Variants in CCDC192 observed in about 807,000 individuals in gnomAD.
CCDC192 encodes coiled-coil domain-containing protein 192.
At chr5:127,889,558 C>A (rs188509321) in intron 6 of CCDC192, among the ~76,000 whole-genome samples, 4 of 152,118 alleles carry the variant, frequency 2.6e-5, no homozygotes, top group South Asian at 2.1e-4. Flanking sequence ...CTCGCCACCA[C>A]GCCCTGCTAA....
At position 127,737,739 on chromosome 5, in the gene CCDC192, A is replaced by T. The variant is rs868467849; in HGVS notation, c.115-16529A>T. On this transcript the variant is annotated intron_variant, in intron 2 of 6. Coordinates refer to ENST00000514853, the MANE Select transcript of CCDC192 (RefSeq NM_001317938.2). Reference sequence around the variant, plus strand: ...TGGTTTAAAGTCTGTTTTATCAGAGACTAGGTTTGCAACCCCTGCCTTTTT... The same window carrying T: ...TGGTTTAAAGTCTGTTTTATCAGAGTCTAGGTTTGCAACCCCTGCCTTTTT... 9.9e-3 allele frequency among the ~76,000 whole-genome samples: 1,497 copies of T among 151,654 alleles called. 33 individuals are homozygous for T. The highest frequency in any genetic ancestry group is 0.035 in the African/African-American group (1,424 of 41,024).
chr5:127,838,644 C>T (rs776074697), intron 5 of CCDC192: 2 of 152,116 alleles, frequency 1.3e-5, no homozygotes, highest in Admixed American at 6.6e-5. Flanking sequence ...AGTTCTGCTA[C>T]GATGGTTACT....
At chr5:127,805,068 G>A (rs777217461) in intron 5 of CCDC192, among the ~76,000 whole-genome samples, 1 of 152,044 alleles carries the variant, frequency 6.6e-6, no homozygotes, top group Non-Finnish European at 1.5e-5. Context: ...AAATGAGAAC[G>A]ATCTTCCTGC....
intron 5 of CCDC192, among the ~76,000 whole-genome samples, chr5:127,834,731 G>A (rs905216592): frequency 2.0e-5 from 3 of 152,182 alleles, no homozygotes; most frequent in African/African-American, 4.8e-5. Flanking sequence ...CCAAGGGTCA[G>A]CTGCTAATTG....
intron 3 of CCDC192, among the ~76,000 whole-genome samples, chr5:127,765,623 G>C (rs1440094804): frequency 6.6e-6 from 1 of 152,156 alleles, no homozygotes; most frequent in Non-Finnish European, 1.5e-5. Flanking sequence ...AAGGAGCACA[G>C]CCTGTTTGGG....
At chr5:127,839,401 GT>G (rs576655552) in intron 5 of CCDC192, among the ~76,000 whole-genome samples, 91 of 152,278 alleles carry the variant, frequency 6.0e-4, no homozygotes, top group African/African-American at 2.1e-3. Context: ...TATAAAGTAT[GT>G]TTTAATGTAC....
chr5:127,870,841 T>G (rs1378520066), intron 5 of CCDC192, among the ~76,000 whole-genome samples: 1 of 152,238 alleles, frequency 6.6e-6, no homozygotes, highest in Non-Finnish European at 1.5e-5. Flanking sequence ...TCTATCACTA[T>G]TTATAAGTTT....
At chr5:127,841,083 T>G (rs1044634436) in intron 5 of CCDC192, among the ~76,000 whole-genome samples, 3 of 152,194 alleles carry the variant, frequency 2.0e-5, no homozygotes, top group Non-Finnish European at 4.4e-5. Context: ...TACTTTACAG[T>G]GCCAGGAACA....
At chr5:127,914,760 C>T (rs1314115661) in intron 6 of CCDC192, among the ~76,000 whole-genome samples, 13 of 152,136 alleles carry the variant, frequency 8.5e-5, no homozygotes, top group Admixed American at 8.5e-4. Flanking sequence ...AAGAGCTTAA[C>T]ATGAATTAAC....
intron 5 of CCDC192, among the ~76,000 whole-genome samples, chr5:127,849,504 C>T (rs1472014405): frequency 6.6e-6 from 1 of 152,128 alleles, no homozygotes; most frequent in Non-Finnish European, 1.5e-5. Flanking sequence ...AGTTGGCTCT[C>T]CTGGGACAAA....
chr5:127,716,024 T>G (rs1038206968), intron 2 of CCDC192, among the ~76,000 whole-genome samples: 2 of 152,220 alleles, frequency 1.3e-5, no homozygotes, highest in African/African-American at 4.8e-5. Flanking sequence ...AGATATGGCT[T>G]TGTCATATAT....
chr5:127,926,619 G>A (rs1227607329), intron 6 of CCDC192, among the ~76,000 whole-genome samples: 4 of 152,168 alleles, frequency 2.6e-5, no homozygotes, highest in African/African-American at 4.8e-5. Flanking sequence ...TGGGGGTAAA[G>A]GAGAAACTGG....
chr5:127,788,069 G>A (rs886951168), intron 3 of CCDC192, among the ~76,000 whole-genome samples: 3 of 120,474 alleles, frequency 2.5e-5, no homozygotes, highest in African/African-American at 1.0e-4. Flanking sequence ...GTAACAGAGT[G>A]AGACTTCACC....
At chr5:127,930,400 C>T (rs2127201698) in intron 6 of CCDC192, among the ~76,000 whole-genome samples, 1 of 152,278 alleles carries the variant, frequency 6.6e-6, no homozygotes, top group East Asian at 1.9e-4. Context: ...ATGGACTCTC[C>T]CTCCTGGAAT....
At chr5:127,715,243 T>C (rs953679589) in intron 2 of CCDC192, among the ~76,000 whole-genome samples, 4 of 152,228 alleles carry the variant, frequency 2.6e-5, no homozygotes, top group Admixed American at 1.3e-4. Context: ...ATTCTAGTGG[T>C]TTCATAGTTT....
At chr5:127,767,615 T>G (rs946177854) in intron 3 of CCDC192, among the ~76,000 whole-genome samples, 1 of 152,196 alleles carries the variant, frequency 6.6e-6, no homozygotes, top group African/African-American at 2.4e-5. Context: ...CTTTCCCATG[T>G]CTTTTCATTT....
chr5:127,751,152 T>C (rs1277506911), intron 2 of CCDC192, among the ~76,000 whole-genome samples: 1 of 150,298 alleles, frequency 6.7e-6, no homozygotes, highest in Non-Finnish European at 1.5e-5. Context: ...TTTGATCCTG[T>C]CATTATGATG....
At position 127,705,036 on chromosome 5, in the gene CCDC192, T is replaced by G. The variant is rs1425508028; in HGVS notation, c.62+1529T>G. The stretch of plus-strand genomic sequence containing the variant: ...ACTGAGAAAAATGCCGTATCATTAC[T>G]CCCTGCCAATAGAAATTTAAAGAAG... On this transcript the variant is annotated intron_variant, in intron 1 of 6. Coordinates refer to ENST00000514853, the MANE Select transcript of CCDC192 (RefSeq NM_001317938.2). Among the ~76,000 whole-genome samples the G allele has an allele frequency of 2.6e-5, 4 of 152,188 alleles. No homozygotes were observed. In the East Asian group the frequency reaches 7.7e-4, roughly 29 times the overall value.
intron 5 of CCDC192, among the ~76,000 whole-genome samples, chr5:127,818,017 A>C (rs958667559): frequency 2.6e-5 from 4 of 152,234 alleles, no homozygotes; most frequent in African/African-American, 9.6e-5. Context: ...CCGTAAAAAT[A>C]GTACAAATTA....
Sources: gnomAD v4.1 joint callset for allele counts (sites outside exome capture counted in the v4.1 genomes callset) on GRCh38, gnomAD v4.1.1 for gene constraint, MANE v1.5 for transcripts, NCBI Gene and HGNC (gene_info 2026-07-23, HGNC 2026-07-21) for gene names.